The following NEK5 variants were observed in gnomAD, a reference collection of about 807,000 sequenced individuals.
NEK5 encodes serine/threonine-protein kinase Nek5.
In NEK5, 88 loss-of-function variants were observed where a neutral mutation model predicts 109.2. The observed-to-expected ratio is 0.81, with a 90% CI of 0.68 to 0.96. NEK5 has a LOEUF of 0.96. Ranked by LOEUF, NEK5 falls within the 40% of genes least tolerant of loss-of-function variation. The pLI is 0.00. For missense variants in NEK5, 834 were observed against 920.7 expected (o/e 0.91, Z 1.22); for synonymous variants, 283 against 299.9 (o/e 0.94, Z 0.58).
In NEK5 at chr13:52,083,250, C is replaced by T. The variant is rs1287675888; in HGVS notation, c.1572+10G>A. The T allele has an allele frequency of 6.3e-7, 1 of 1,575,190 alleles. No homozygotes were observed. Among genetic ancestry groups the T allele is most frequent in the African/African-American group, 1.3e-5 (1 of 74,082 alleles). ...TGCAAGCACACACATCTGATCATAG[C>T]CATCATTACCTGCACAGGTGCTTCT... On this transcript the variant is annotated intron_variant, in intron 17 of 23. Coordinates refer to ENST00000684899, the MANE Select transcript of NEK5 (RefSeq NM_001365552.1).
intron 8 of NEK5, among the ~76,000 whole-genome samples, chr13:52,107,586 C>CT (rs1363864521): frequency 1.3e-5 from 2 of 150,128 alleles, no homozygotes; most frequent in Non-Finnish European, 1.5e-5. Context: ...GAGCAAGACT[C>CT]TATCTCAAAA....
At chr13:52,116,593 G>A (rs1024269365) in intron 4 of NEK5, among the ~76,000 whole-genome samples, 1 of 152,220 alleles carries the variant, frequency 6.6e-6, no homozygotes, top group South Asian at 2.1e-4. Context: ...TCAACTAGCT[G>A]AGACTCCGGG....
chr13:52,041,728 C>CAAAA (rs60216367), intron 23 of NEK5, among the ~76,000 whole-genome samples: 1,064 of 47,684 alleles, frequency 0.022, 72 homozygotes, highest in Non-Finnish European at 0.028. Flanking sequence ...AACTCTGTCT[C>CAAAA]AAAAAAAAAA....
chr13:52,083,068 C>G (rs1263538384), intron 17 of NEK5, among the ~76,000 whole-genome samples, 192 bp downstream of exon 17: 3 of 152,114 alleles, frequency 2.0e-5, no homozygotes, highest in African/African-American at 7.2e-5. Context: ...ATCACTTGAA[C>G]CCAGGAGGCA....
intron 22 of NEK5, among the ~76,000 whole-genome samples, chr13:52,056,412 C>T (rs1954555461): frequency 6.6e-6 from 1 of 151,258 alleles, no homozygotes; most frequent in East Asian, 1.9e-4. Flanking sequence ...AACAAGGATA[C>T]CCAGGAATTG....
intron 18 of NEK5, 61 bp from the exon 19 acceptor site, chr13:52,075,887 A>G: frequency 8.7e-7 from 1 of 1,146,490 alleles, no homozygotes; most frequent in Non-Finnish European, 1.2e-6. Context: ...TAAAATTACA[A>G]CTCCCTAGGT....
intron 22 of NEK5, among the ~76,000 whole-genome samples, chr13:52,061,188 G>C (rs1358721308): frequency 6.6e-6 from 1 of 152,182 alleles, no homozygotes; most frequent in Non-Finnish European, 1.5e-5. Context: ...CTCATAAGGA[G>C]CACACAGCGT....
At chr13:52,070,581 T>C (rs1339957360) in intron 20 of NEK5, among the ~76,000 whole-genome samples, 1 of 152,228 alleles carries the variant, frequency 6.6e-6, no homozygotes, top group South Asian at 2.1e-4. Flanking sequence ...CTGCCATCCA[T>C]GTAAAATGTG....
At chr13:52,089,945 G>A (rs1386028298) in intron 13 of NEK5, among the ~76,000 whole-genome samples, 1 of 150,990 alleles carries the variant, frequency 6.6e-6, no homozygotes, top group African/African-American at 2.4e-5. Context: ...CTGAGTGACA[G>A]AGTGAGACTC....
intron 23 of NEK5, among the ~76,000 whole-genome samples, chr13:52,046,730 CAA>C (rs879296545): frequency 3.9e-5 from 5 of 127,958 alleles, no homozygotes; most frequent in African/African-American, 1.1e-4. Flanking sequence ...CACCCTGTCT[CAA>C]AAAAAAAAAA....
chr13:52,075,604 C>T (rs903872789), intron 19 of NEK5, among the ~76,000 whole-genome samples, 154 bp downstream of exon 19: 3 of 152,032 alleles, frequency 2.0e-5, no homozygotes, highest in Admixed American at 6.6e-5. Context: ...CACAACATAT[C>T]CAGGTAACAA....
chr13:52,054,594 G>T (rs1262330522), intron 22 of NEK5, among the ~76,000 whole-genome samples: 1 of 152,254 alleles, frequency 6.6e-6, no homozygotes, highest in East Asian at 1.9e-4. Flanking sequence ...GCACGCAGCT[G>T]GAGATCTGAG....
At position 52,036,118 on chromosome 13, in the gene NEK5, T is replaced by C. The variant is rs1954359721; in HGVS notation, c.*830A>G. ...GGCTCTAGGGAAGAATCCATTTCTT[T>C]GCCTTTTCCAGATTCCAGAGGCTGT... is the stretch of plus-strand genomic sequence containing the variant. On this transcript the variant is annotated 3_prime_UTR_variant, in exon 24 of 24. Coordinates refer to ENST00000684899, the MANE Select transcript of NEK5 (RefSeq NM_001365552.1). 1 of 152,212 alleles carries C rather than the reference T, an allele frequency of 6.6e-6. No individual in the cohort carries two copies. Among genetic ancestry groups the C allele is most frequent in the Non-Finnish European group, 1.5e-5 (1 of 68,042 alleles). The allele number at this position is 152,212 out of a possible 1,614,324, so 9.4% of individuals were successfully genotyped here.
intron 3 of NEK5, among the ~76,000 whole-genome samples, chr13:52,126,490 A>G (rs1020443029): frequency 2.6e-5 from 4 of 152,236 alleles, no homozygotes; most frequent in Non-Finnish European, 5.9e-5. Flanking sequence ...GTAAGAAAAT[A>G]AACCAGGCCA....
chr13:52,125,334 C>A (rs762115984), intron 3 of NEK5, among the ~76,000 whole-genome samples: 1 of 152,156 alleles, frequency 6.6e-6, no homozygotes, highest in Non-Finnish European at 1.5e-5. Flanking sequence ...GAGGCCGAGG[C>A]GGGTGGATCA....
chr13:52,084,762 A>AGT (rs368429926), intron 16 of NEK5, among the ~76,000 whole-genome samples: 564 of 47,428 alleles, frequency 0.012, 6 homozygotes, highest in East Asian at 0.029. Flanking sequence ...AGAGAGAGAG[A>AGT]GTGTGTGTGT....
Position 52,033,800 on chromosome 13 carries a change from ACT to A in NEK5, c.*3146_*3147del, listed in dbSNP as rs1308560138. ...ATGTAAATATACCCCAGAGTCCAAA[ACT>A]CTGATATATTCATATATATTCACAA... On this transcript the variant is annotated 3_prime_UTR_variant, in exon 24 of 24. Transcript: ENST00000684899. The A allele has an allele frequency of 1.4e-4, 22 of 152,076 alleles. No individual in the cohort carries two copies. The highest frequency in any genetic ancestry group is 5.3e-4 in the African/African-American group (22 of 41,388). 9.4% of individuals were successfully genotyped at this position (152,076 alleles called of 1,614,324 possible). A position where few individuals can be genotyped will look rare whatever the true frequency, so the allele number is the denominator to read the frequency against.
chr13:52,118,144 T>C (rs1297841178), intron 4 of NEK5, among the ~76,000 whole-genome samples: 1 of 152,260 alleles, frequency 6.6e-6, no homozygotes, highest in Non-Finnish European at 1.5e-5. Flanking sequence ...CACAGTGCTC[T>C]GCACAGTTTA....
intron 21 of NEK5, 78 bp downstream of exon 21, chr13:52,065,406 A>C: frequency 6.3e-7 from 1 of 1,599,044 alleles, no homozygotes; most frequent in Non-Finnish European, 8.6e-7. Context: ...GAAGTAGACT[A>C]TCACATCAGG....
Sources: gnomAD v4.1 joint callset for allele counts (sites outside exome capture counted in the v4.1 genomes callset) on GRCh38, gnomAD v4.1.1 for gene constraint, MANE v1.5 for transcripts, NCBI Gene and HGNC (gene_info 2026-07-23, HGNC 2026-07-21) for gene names.